The following BMPR1B variants were observed in gnomAD, a reference collection of about 807,000 sequenced individuals.
The protein encoded by BMPR1B is bone morphogenetic protein receptor type-1B.
Under a neutral mutation model 59.1 loss-of-function variants are expected in BMPR1B, and 12 were observed. The observed-to-expected ratio is 0.20, with a 90% CI of 0.13 to 0.33. BMPR1B has a LOEUF of 0.33. Among genes scored for constraint, BMPR1B ranks in the 10% least tolerant of loss-of-function variants. The pLI is 1.00. For synonymous variants in BMPR1B, 237 were observed against 207.3 expected (o/e 1.14, Z -1.23); for missense variants, 550 against 610.9 (o/e 0.90, Z 1.05).
At chr4:94,849,136 A>G (rs749095548) in intron 1 of BMPR1B, among the ~76,000 whole-genome samples, 1 of 152,218 alleles carries the variant, frequency 6.6e-6, no homozygotes, top group Non-Finnish European at 1.5e-5. Flanking sequence ...AGAAAGCAGT[A>G]TGAGGACTGA....
At chr4:94,936,063 A>G (rs1256441334) in intron 2 of BMPR1B, among the ~76,000 whole-genome samples, 2 of 152,160 alleles carry the variant, frequency 1.3e-5, no homozygotes, top group East Asian at 1.9e-4. Context: ...TGTGCCTTGT[A>G]TAAACGATAA....
intron 1 of BMPR1B, among the ~76,000 whole-genome samples, chr4:94,811,574 C>G (rs1723812245): frequency 6.6e-6 from 1 of 152,068 alleles, no homozygotes; most frequent in South Asian, 2.1e-4. Context: ...ATACTCTGAT[C>G]TAGGATGATT....
At chr4:94,994,585 C>G (rs1305865116) in intron 2 of BMPR1B, among the ~76,000 whole-genome samples, 1 of 152,108 alleles carries the variant, frequency 6.6e-6, no homozygotes. Flanking sequence ...CTGTTCAGCA[C>G]CTATATACCT....
At chr4:95,126,632 A>G (rs898296205) in intron 8 of BMPR1B, among the ~76,000 whole-genome samples, 21 of 152,190 alleles carry the variant, frequency 1.4e-4, no homozygotes, top group African/African-American at 4.8e-4. Flanking sequence ...TCTTAACATT[A>G]GTGAGATGTG....
intron 3 of BMPR1B, among the ~76,000 whole-genome samples, chr4:95,067,669 ACT>A (rs2149215043): frequency 6.6e-6 from 1 of 152,132 alleles, no homozygotes; most frequent in South Asian, 2.1e-4. Context: ...TGAGACACAA[ACT>A]CTGATTATGT....
chr4:94,954,300 C>G (rs998827685), intron 2 of BMPR1B, among the ~76,000 whole-genome samples: 2 of 152,152 alleles, frequency 1.3e-5, no homozygotes, highest in African/African-American at 2.4e-5. Context: ...CTAACATGTT[C>G]TCAACATTTA....
intron 1 of BMPR1B, among the ~76,000 whole-genome samples, chr4:94,837,920 T>G (rs1221308652): frequency 1.5e-5 from 2 of 134,258 alleles, no homozygotes; most frequent in African/African-American, 2.9e-5. Flanking sequence ...CTTATTATTT[T>G]GAAATATGTC....
At chr4:94,849,367 G>A (rs1725478126) in intron 1 of BMPR1B, among the ~76,000 whole-genome samples, 1 of 152,124 alleles carries the variant, frequency 6.6e-6, no homozygotes, top group South Asian at 2.1e-4. Context: ...TTGGAGTGTT[G>A]AGGGACGCCT....
intron 3 of BMPR1B, among the ~76,000 whole-genome samples, chr4:95,031,834 G>A (rs925239713): frequency 5.3e-5 from 8 of 152,196 alleles, no homozygotes; most frequent in African/African-American, 1.7e-4. Flanking sequence ...GACTGAGGTG[G>A]GAGGATTGCT....
chr4:95,099,571 C>A (rs987803202), intron 3 of BMPR1B, among the ~76,000 whole-genome samples: 2 of 152,076 alleles, frequency 1.3e-5, no homozygotes, highest in African/African-American at 4.8e-5. Flanking sequence ...TGATGTGAAT[C>A]CTTCTATACA....
chr4:94,772,600 A>G (rs1350720803), intron 1 of BMPR1B, among the ~76,000 whole-genome samples: 3 of 152,228 alleles, frequency 2.0e-5, no homozygotes, highest in African/African-American at 7.2e-5. Context: ...CCAAAGGAAT[A>G]TAAATATTGC....
At chr4:94,810,223 T>G (rs1024309401) in intron 1 of BMPR1B, among the ~76,000 whole-genome samples, 2 of 152,212 alleles carry the variant, frequency 1.3e-5, no homozygotes, top group Admixed American at 6.5e-5. Context: ...ATTTTTACTG[T>G]TTTTTGTTAG....
intron 3 of BMPR1B, among the ~76,000 whole-genome samples, chr4:95,096,892 CAT>C (rs1272562195): frequency 9.8e-4 from 136 of 138,296 alleles, no homozygotes; most frequent in African/African-American, 2.9e-3. Context: ...TTAATTTAAA[CAT>C]ATATATTCAA....
At chr4:94,959,416 T>A (rs1351488719) in intron 2 of BMPR1B, among the ~76,000 whole-genome samples, 2 of 152,116 alleles carry the variant, frequency 1.3e-5, no homozygotes, top group African/African-American at 4.8e-5. Context: ...CCTGATAACA[T>A]TGTAAAGTAA....
chr4:94,932,833 C>T (rs901121151), intron 2 of BMPR1B, among the ~76,000 whole-genome samples: 3 of 152,108 alleles, frequency 2.0e-5, no homozygotes, highest in African/African-American at 7.2e-5. Flanking sequence ...TTGGCTAGGT[C>T]TGACGGTTAT....
chr4:94,932,194 A>G (rs901936516), intron 2 of BMPR1B, among the ~76,000 whole-genome samples: 1 of 152,124 alleles, frequency 6.6e-6, no homozygotes, highest in Non-Finnish European at 1.5e-5. Context: ...CCCAAGTGCA[A>G]AATTCAAGTG....
chr4:95,040,008 C>T (rs541844162), intron 3 of BMPR1B, among the ~76,000 whole-genome samples: 1 of 152,256 alleles, frequency 6.6e-6, no homozygotes, highest in East Asian at 1.9e-4. Flanking sequence ...TATATTTCCT[C>T]TAGCATTAAT....
chr4:94,946,765 AT>A (rs1729728762), intron 2 of BMPR1B, among the ~76,000 whole-genome samples: 1 of 152,074 alleles, frequency 6.6e-6, no homozygotes, highest in South Asian at 2.1e-4. Flanking sequence ...AAAAGGGCAA[AT>A]TTGGTCAGGC....
At chr4:95,058,078 T>C (rs1185734614) in intron 3 of BMPR1B, among the ~76,000 whole-genome samples, 2 of 152,144 alleles carry the variant, frequency 1.3e-5, no homozygotes, top group Non-Finnish European at 2.9e-5. Flanking sequence ...CAGACTTTAG[T>C]TCTAGGACAT....
Sources: gnomAD v4.1 joint callset for allele counts (sites outside exome capture counted in the v4.1 genomes callset) on GRCh38, gnomAD v4.1.1 for gene constraint, MANE v1.5 for transcripts, NCBI Gene and HGNC (gene_info 2026-07-23, HGNC 2026-07-21) for gene names.